Variants in FBN2 observed in about 807,000 individuals in gnomAD.
The protein encoded by FBN2 is fibrillin-2.
In FBN2, 105 loss-of-function variants were observed where a neutral mutation model predicts 355.6. That is an observed-to-expected ratio of 0.30 (90% CI 0.25 to 0.35). The LOEUF is 0.35. Ranked by LOEUF, FBN2 falls within the 10% of genes least tolerant of loss-of-function variation. FBN2 has a pLI of 1.00. For missense variants in FBN2, 3,280 were observed against 3,758.7 expected (o/e 0.87, Z 3.33); for synonymous variants, 1,350 against 1,301.2 (o/e 1.04, Z -0.81).
At chr5:128,299,777 C>T (rs577310437) in intron 48 of FBN2, among the ~76,000 whole-genome samples, 22 of 152,304 alleles carry the variant, frequency 1.4e-4, no homozygotes, top group African/African-American at 4.6e-4. Flanking sequence ...AGAAATCACC[C>T]GTCTTCTCCG....
intron 16 of FBN2, among the ~76,000 whole-genome samples, chr5:128,367,131 G>A (rs2126944057): frequency 6.6e-6 from 1 of 152,210 alleles, no homozygotes; most frequent in African/African-American, 2.4e-5. Flanking sequence ...ATAATATGAA[G>A]TTTAATTATA....
intron 62 of FBN2, among the ~76,000 whole-genome samples, chr5:128,271,682 T>G (rs1263393871): frequency 1.3e-5 from 2 of 152,216 alleles, no homozygotes; most frequent in African/African-American, 4.8e-5. Context: ...GACAAAAAAG[T>G]GGCTGACCTT....
At chr5:128,366,481 C>T (rs1455401771) in intron 16 of FBN2, 51 bp from the exon 17 acceptor site, 2 of 1,094,558 alleles carry the variant, frequency 1.8e-6, no homozygotes, top group African/African-American at 1.6e-5. Context: ...ATACCTATTC[C>T]ATATACAAGT....
intron 9 of FBN2, among the ~76,000 whole-genome samples, chr5:128,394,306 G>A (rs1452490670): frequency 6.6e-6 from 1 of 151,976 alleles, no homozygotes; most frequent in African/African-American, 2.4e-5. Flanking sequence ...CATATTACAC[G>A]TAACAAGAGG....
chr5:128,447,765 C>T (rs1243831940), intron 6 of FBN2, among the ~76,000 whole-genome samples: 4 of 152,178 alleles, frequency 2.6e-5, no homozygotes, highest in Non-Finnish European at 5.9e-5. Flanking sequence ...TGGGGCATCA[C>T]GGCACCTGCC....
intron 6 of FBN2, among the ~76,000 whole-genome samples, chr5:128,459,660 T>C (rs908179137): frequency 2.0e-5 from 3 of 152,176 alleles, no homozygotes; most frequent in Non-Finnish European, 2.9e-5. Context: ...TTGTTCAACA[T>C]ACACAAATCA....
At chr5:128,525,835 T>C (rs1485983395) in intron 4 of FBN2, among the ~76,000 whole-genome samples, 1 of 152,156 alleles carries the variant, frequency 6.6e-6, no homozygotes, top group African/African-American at 2.4e-5. Flanking sequence ...TAATACTCAG[T>C]CACAAGTGAA....
chr5:128,438,229 G>A (rs1047752275), intron 7 of FBN2, among the ~76,000 whole-genome samples: 1 of 152,214 alleles, frequency 6.6e-6, no homozygotes, highest in Admixed American at 6.5e-5. Context: ...CGGGCCTCAA[G>A]TGATCTGCCT....
At chr5:128,349,514 A>G (rs749554080) in intron 22 of FBN2, 42 bp from the exon 23 acceptor site, 1 of 1,608,252 alleles carries the variant, frequency 6.2e-7, no homozygotes, top group Non-Finnish European at 8.5e-7. Context: ...AGATGTTACA[A>G]ATAGAAAAAG....
intron 6 of FBN2, among the ~76,000 whole-genome samples, chr5:128,447,475 T>C (rs972069261): frequency 1.3e-5 from 2 of 152,204 alleles, no homozygotes; most frequent in Non-Finnish European, 2.9e-5. Flanking sequence ...AGGCGTACTA[T>C]GTACCAGGAT....
intron 5 of FBN2, among the ~76,000 whole-genome samples, chr5:128,489,445 T>C (rs907528179): frequency 1.3e-5 from 2 of 152,188 alleles, no homozygotes; most frequent in African/African-American, 4.8e-5. Context: ...TACATGCTTT[T>C]AGGCTGTTTT....
At chr5:128,352,421 CT>C (rs1751392805) in intron 20 of FBN2, among the ~76,000 whole-genome samples, 1 of 152,116 alleles carries the variant, frequency 6.6e-6, no homozygotes, top group Non-Finnish European at 1.5e-5. Context: ...ATATTATGCA[CT>C]TTAAAATTTT....
intron 7 of FBN2, 109 bp from the exon 8 acceptor site, chr5:128,408,908 G>C (rs1335236742): frequency 8.5e-7 from 1 of 1,175,084 alleles, no homozygotes; most frequent in African/African-American, 1.5e-5. Flanking sequence ...GATTAGGTCA[G>C]ATCATATAAC....
intron 16 of FBN2, among the ~76,000 whole-genome samples, chr5:128,367,858 T>C (rs1301643829): frequency 6.8e-6 from 1 of 147,998 alleles, no homozygotes; most frequent in Non-Finnish European, 1.5e-5. Context: ...TACGTTCTCC[T>C]CATTATTTTT....
intron 5 of FBN2, among the ~76,000 whole-genome samples, chr5:128,470,804 A>C (rs1025683806): frequency 1.3e-5 from 2 of 151,928 alleles, no homozygotes; most frequent in Non-Finnish European, 2.9e-5. Flanking sequence ...TGTGACTGTC[A>C]GTGGAATGCA....
chr5:128,497,583 A>G (rs558033861), intron 5 of FBN2, among the ~76,000 whole-genome samples: 24 of 152,330 alleles, frequency 1.6e-4, no homozygotes, highest in African/African-American at 5.5e-4. Flanking sequence ...CAGGTAATTC[A>G]AAGTATAGTC....
intron 23 of FBN2, among the ~76,000 whole-genome samples, chr5:128,347,194 G>A (rs1281353827): frequency 3.3e-5 from 5 of 152,172 alleles, no homozygotes; most frequent in African/African-American, 1.2e-4. Context: ...AACTAAAAAT[G>A]TACCATTTCA....
In FBN2 at chr5:128,537,472, C is replaced by G. The variant is rs199702573; in HGVS notation, c.132G>C (p.Pro44=). The change falls in exon 1 of 65, where the codon CCG becomes CCC. Residue 44 remains proline (P), a synonymous_variant. Transcript: ENST00000262464. ...CTGCTGTAGCGGACCGAACCTGTTG[C>G]GGCGGCGGCTGGGGCCGGGGCGGCT... is the stretch of plus-strand genomic sequence containing the variant. ...PPKPPRPQPP[P]QQVRSATAGS... is the part of the protein sequence containing the mutation. 204 of 1,600,454 alleles carry G rather than the reference C, an allele frequency of 1.3e-4. 1 individual carries two copies. The African/African-American group carries it at 2.0e-3, about 16-fold the overall frequency.
chr5:128,297,566 GA>G (rs1218149902), intron 48 of FBN2, among the ~76,000 whole-genome samples: 5 of 152,162 alleles, frequency 3.3e-5, no homozygotes, highest in Non-Finnish European at 5.9e-5. Context: ...TCTTCTTGTT[GA>G]ATTGATCCCT....
Sources: gnomAD v4.1 joint callset for allele counts (sites outside exome capture counted in the v4.1 genomes callset) on GRCh38, gnomAD v4.1.1 for gene constraint, MANE v1.5 for transcripts, NCBI Gene and HGNC (gene_info 2026-07-23, HGNC 2026-07-21) for gene names.